NRXN1: variants seen among roughly 807,000 people sequenced by gnomAD.
The protein encoded by NRXN1 is neurexin-1.
NRXN1 carries 39 observed loss-of-function variants against 150.9 expected under a neutral mutation model. That is an observed-to-expected ratio of 0.26 (90% CI 0.20 to 0.34). NRXN1 has a LOEUF of 0.34. Ranked by LOEUF, NRXN1 falls within the 10% of genes least tolerant of loss-of-function variation. The pLI is 1.00. For synonymous variants in NRXN1, 924 were observed against 757.0 expected (o/e 1.22, Z -3.62); for missense variants, 1,815 against 1,949.9 (o/e 0.93, Z 1.30).
At chr2:50,953,725 C>T (rs914529103) in intron 2 of NRXN1, among the ~76,000 whole-genome samples, 3 of 151,852 alleles carry the variant, frequency 2.0e-5, no homozygotes, top group African/African-American at 7.3e-5. Context: ...CCATGCCTGG[C>T]TAATTTTTGT....
Position 50,630,377 on chromosome 2 carries a change from C to A in NRXN1, c.833-6762G>T, listed in dbSNP as rs116150755. ...TGTTAAACAAAGATAGGTTAAATGA[C>A]TTCCTAAGTTCACACAAAAATTGAT... On this transcript the variant is annotated intron_variant, in intron 5 of 22. Coordinates refer to ENST00000401669, the MANE Select transcript of NRXN1 (RefSeq NM_001330078.2). Among the ~76,000 whole-genome samples the A allele has an allele frequency of 2.7e-3, 409 of 151,758 alleles. 1 individual carries two copies. Among genetic ancestry groups the A allele is most frequent in the African/African-American group, 9.0e-3 (375 of 41,498 alleles).
At chr2:50,267,616 G>C (rs1367206825) in intron 17 of NRXN1, among the ~76,000 whole-genome samples, 1 of 152,014 alleles carries the variant, frequency 6.6e-6, no homozygotes, top group East Asian at 1.9e-4. Flanking sequence ...GTCACGATCT[G>C]ACATTCGATT....
chr2:49,979,906 G>T (rs7608575), intron 21 of NRXN1, among the ~76,000 whole-genome samples: 11,825 of 65,590 alleles, frequency 0.18, 646 homozygotes, highest in Middle Eastern at 0.39. Context: ...TGTTTTTTTG[G>T]TTTTTTTTTT....
chr2:50,074,980 C>T (rs1338301433), intron 19 of NRXN1, among the ~76,000 whole-genome samples: 3 of 152,108 alleles, frequency 2.0e-5, no homozygotes, highest in Non-Finnish European at 2.9e-5. Context: ...CAGTGTGAAA[C>T]TTAAATGACA....
At chr2:50,691,885 A>G (rs1692137485) in intron 5 of NRXN1, among the ~76,000 whole-genome samples, 1 of 151,998 alleles carries the variant, frequency 6.6e-6, no homozygotes, top group Non-Finnish European at 1.5e-5. Context: ...GAATACTAAG[A>G]CTCATCTGTG....
chr2:50,415,090 G>A (rs1355004430), intron 17 of NRXN1, among the ~76,000 whole-genome samples: 3 of 152,056 alleles, frequency 2.0e-5, no homozygotes, highest in Non-Finnish European at 4.4e-5. Flanking sequence ...GACAAAAACT[G>A]TGGAATGGTA....
At chr2:50,993,283 A>G (rs1228559496) in intron 2 of NRXN1, among the ~76,000 whole-genome samples, 1 of 151,970 alleles carries the variant, frequency 6.6e-6, no homozygotes, top group Non-Finnish European at 1.5e-5. Flanking sequence ...GGAGACCGAA[A>G]TAATTTATAC....
intron 22 of NRXN1, among the ~76,000 whole-genome samples, chr2:49,933,276 AG>A (rs1221040447): frequency 6.6e-6 from 1 of 151,846 alleles, no homozygotes; most frequent in African/African-American, 2.4e-5. Context: ...TTGGTAGAGA[AG>A]GGGTTTCACC....
At chr2:50,536,150 T>C (rs999123380) in intron 10 of NRXN1, among the ~76,000 whole-genome samples, 2 of 152,158 alleles carry the variant, frequency 1.3e-5, no homozygotes, top group East Asian at 3.9e-4. Flanking sequence ...AATTTTGTGG[T>C]ATTGAGCATG....
At chr2:49,967,153 C>A in intron 21 of NRXN1, among the ~76,000 whole-genome samples, 1 of 151,934 alleles carries the variant, frequency 6.6e-6, no homozygotes. Flanking sequence ...AGTAATTCAC[C>A]TTAAAAATTG....
rs1243342637 is a variant in NRXN1 at position 50,828,896 on chromosome 2, G to A, written c.832+92973C>T. ...GGCAGGCGGCTGGGAGGTGGAGGTTGTAGCGAGCCAAGATCACGCCACTGC... is the reference window on the plus strand; with the variant it reads ...GGCAGGCGGCTGGGAGGTGGAGGTTATAGCGAGCCAAGATCACGCCACTGC... On this transcript the variant is annotated intron_variant, in intron 5 of 22. Transcript: ENST00000401669. Among the ~76,000 whole-genome samples the A allele has an allele frequency of 3.3e-5, 5 of 152,320 alleles. No homozygotes were observed. The East Asian group carries it at 5.8e-4, about 18-fold the overall frequency.
intron 5 of NRXN1, among the ~76,000 whole-genome samples, chr2:50,726,179 C>A (rs1220878458): frequency 6.6e-6 from 1 of 152,106 alleles, no homozygotes; most frequent in Non-Finnish European, 1.5e-5. Context: ...TGTGATTATT[C>A]TTTGTACTCT....
At chr2:51,003,000 T>C (rs1305554562) in intron 2 of NRXN1, among the ~76,000 whole-genome samples, 1 of 151,972 alleles carries the variant, frequency 6.6e-6, no homozygotes, top group South Asian at 2.1e-4. Flanking sequence ...CAAGCATTTA[T>C]GGACAGACTC....
chr2:50,482,715 A>G (rs2090561357), intron 15 of NRXN1, among the ~76,000 whole-genome samples: 1 of 152,164 alleles, frequency 6.6e-6, no homozygotes, highest in South Asian at 2.1e-4. Context: ...CATTCCCGAA[A>G]GGTTAGATGT....
chr2:50,339,952 TG>T (rs2077441550), intron 17 of NRXN1, among the ~76,000 whole-genome samples: 2 of 152,242 alleles, frequency 1.3e-5, no homozygotes, highest in African/African-American at 4.8e-5. Context: ...GTACCAATGC[TG>T]GGACAAATTT....
rs199784139 is a variant in NRXN1, at chr2:50,497,679, G to A, written c.2533C>T (p.His845Tyr). 1.0e-3 allele frequency: 1,620 copies of A among 1,613,558 alleles called. 2 individuals carry two copies. The highest frequency in any genetic ancestry group is 1.3e-3 in the Non-Finnish European group (1,548 of 1,179,598). The change falls in exon 14 of 23, where the codon CAT (histidine) becomes TAT (tyrosine). Residue 845 changes from histidine (H) to tyrosine (Y), a missense_variant. Physicochemically the swap from His to Tyr is moderately conservative, Grantham distance 83. This residue lies in a region of NRXN1 where 638 missense variants were observed against 652.6 expected (regional missense o/e 0.98). Transcript: ENST00000401669. ...GTGATGATGCCAGTCTCTATGTTAT[G>A]GAACTCCAGCCTAGTATGATCACCT... ...MAGDHTRLEF[H>Y]NIETGIITER...
intron 17 of NRXN1, among the ~76,000 whole-genome samples, chr2:50,402,985 G>GT (rs2082497043): frequency 6.6e-6 from 1 of 152,122 alleles, no homozygotes; most frequent in Non-Finnish European, 1.5e-5. Context: ...AAATATTAAT[G>GT]TAAGGGTGCG....
At chr2:50,419,418 G>C (rs572810923) in intron 17 of NRXN1, among the ~76,000 whole-genome samples, 1 of 152,022 alleles carries the variant, frequency 6.6e-6, no homozygotes, top group East Asian at 1.9e-4. Context: ...AATCTCATTA[G>C]ATTCATTCTA....
intron 18 of NRXN1, among the ~76,000 whole-genome samples, chr2:50,131,127 G>A (rs1470126843): frequency 6.6e-6 from 1 of 152,142 alleles, no homozygotes; most frequent in East Asian, 1.9e-4. Flanking sequence ...ATTCAATGGG[G>A]TCAACTTAGA....
Sources: allele counts gnomAD v4.1 joint callset (sites outside exome capture counted in the v4.1 genomes callset), GRCh38; gene constraint gnomAD v4.1.1; regional missense constraint gnomAD v4.1.1; transcripts MANE v1.5; gene names NCBI Gene and HGNC (gene_info 2026-07-23, HGNC 2026-07-21).